The following SLC24A2 variants were observed in gnomAD, a reference collection of about 807,000 sequenced individuals.
SLC24A2 encodes solute carrier family 24 member 2, also known as sodium/potassium/calcium exchanger 2.
In SLC24A2, 36 loss-of-function variants were observed where a neutral mutation model predicts 62.0. The observed-to-expected ratio is 0.58, with a 90% CI of 0.44 to 0.77. The LOEUF is 0.77. Among genes scored for constraint, SLC24A2 ranks in the 30% least tolerant of loss-of-function variants. The probability of loss-of-function intolerance (pLI) is 0.00; values close to 1 mark genes in which losing one functional copy is unlikely to be tolerated. For synonymous variants in SLC24A2, 358 were observed against 294.0 expected (o/e 1.22, Z -2.23); for missense variants, 846 against 817.9 (o/e 1.03, Z -0.42).
the SLC24A2 span, among the ~76,000 whole-genome samples, chr9:19,981,497 T>C: frequency 6.6e-6 from 1 of 152,194 alleles, no homozygotes; most frequent in Admixed American, 6.6e-5. Context: ...GCATTTTTGG[T>C]AGTTTTTTTT....
At chr9:19,984,399 A>T in the SLC24A2 span, among the ~76,000 whole-genome samples, 1 of 152,162 alleles carries the variant, frequency 6.6e-6, no homozygotes, top group Non-Finnish European at 1.5e-5. Flanking sequence ...GTGAAATAGA[A>T]TTGGAAAGTC....
At chr9:20,249,972 A>G in the SLC24A2 span, among the ~76,000 whole-genome samples, 1 of 152,234 alleles carries the variant, frequency 6.6e-6, no homozygotes, top group Non-Finnish European at 1.5e-5. Context: ...CTCAGAATCT[A>G]AAACAGAAAA....
the SLC24A2 span, among the ~76,000 whole-genome samples, chr9:20,290,120 G>A: frequency 4.6e-5 from 7 of 152,214 alleles, no homozygotes; most frequent in East Asian, 1.9e-4. Context: ...TCCCCAGCTC[G>A]GCAGAGTGGC....
the SLC24A2 span, among the ~76,000 whole-genome samples, chr9:20,272,851 T>C: frequency 1.3e-5 from 2 of 152,070 alleles, no homozygotes; most frequent in Non-Finnish European, 2.9e-5. Flanking sequence ...CTGAAGCCAA[T>C]AGGAACAGCA....
the SLC24A2 span, among the ~76,000 whole-genome samples, chr9:20,003,329 G>A: frequency 6.6e-6 from 1 of 152,142 alleles, no homozygotes; most frequent in Non-Finnish European, 1.5e-5. Context: ...ATCCACTCTT[G>A]TTTTCTCTGT....
chr9:20,099,133 T>G, the SLC24A2 span, among the ~76,000 whole-genome samples: 4 of 152,234 alleles, frequency 2.6e-5, no homozygotes, highest in Admixed American at 6.5e-5. Context: ...CATCAAAGCA[T>G]GATAATAACA....
chr9:20,099,353 C>A, the SLC24A2 span, among the ~76,000 whole-genome samples: 1,602 of 152,280 alleles, frequency 0.011, 38 homozygotes, highest in African/African-American at 0.037. Flanking sequence ...AGGGCACTTA[C>A]CTTTATTTCC....
At chr9:19,915,099 C>A in the SLC24A2 span, among the ~76,000 whole-genome samples, 3 of 152,044 alleles carry the variant, frequency 2.0e-5, no homozygotes, top group African/African-American at 4.8e-5. Context: ...CCTCCCAATC[C>A]CATCCTCTAC....
chr9:20,240,086 C>T, the SLC24A2 span, among the ~76,000 whole-genome samples: 1 of 152,088 alleles, frequency 6.6e-6, no homozygotes, highest in African/African-American at 2.4e-5. Flanking sequence ...ACTGATGTGT[C>T]TCCCTCTCCC....
At chr9:20,086,486 G>C in the SLC24A2 span, among the ~76,000 whole-genome samples, 3 of 152,190 alleles carry the variant, frequency 2.0e-5, no homozygotes, top group Non-Finnish European at 4.4e-5. Flanking sequence ...TCTTGTTATA[G>C]TGGCCTTTGC....
chr9:20,201,626 T>C, the SLC24A2 span, among the ~76,000 whole-genome samples: 5 of 152,240 alleles, frequency 3.3e-5, no homozygotes, highest in African/African-American at 7.2e-5. Context: ...GATTTACTTA[T>C]TTAATGCCTG....
the SLC24A2 span, among the ~76,000 whole-genome samples, chr9:20,284,108 G>A: frequency 1.1e-3 from 167 of 152,192 alleles, 1 homozygote; most frequent in Non-Finnish European, 6.3e-4. Context: ...GATAATTGCC[G>A]AACTATCACT....
chr9:19,522,090 C>T (rs1243291811), intron 9 of SLC24A2, among the ~76,000 whole-genome samples: 1 of 152,164 alleles, frequency 6.6e-6, no homozygotes, highest in Non-Finnish European at 1.5e-5. Context: ...CTCACTGCAG[C>T]CTCAACCTCC....
At chr9:20,201,480 G>A in the SLC24A2 span, among the ~76,000 whole-genome samples, 1 of 152,180 alleles carries the variant, frequency 6.6e-6, no homozygotes, top group South Asian at 2.1e-4. Flanking sequence ...GACAGTAACA[G>A]CTCGACAATT....
the SLC24A2 span, among the ~76,000 whole-genome samples, chr9:19,956,611 AAG>A: frequency 6.6e-6 from 1 of 152,194 alleles, no homozygotes; most frequent in Non-Finnish European, 1.5e-5. Context: ...GGCAGCAGGC[AAG>A]AGAGAGAGCT....
chr9:19,741,045 G>T (rs763912509), intron 2 of SLC24A2, among the ~76,000 whole-genome samples: 1 of 152,136 alleles, frequency 6.6e-6, no homozygotes, highest in African/African-American at 2.4e-5. Flanking sequence ...TTAAGATGTT[G>T]CTATCCTCTG....
chr9:19,599,536 T>C lies in SLC24A2; in HGVS notation c.1079-2257A>G, dbSNP rs1490036432. 6.6e-6 allele frequency among the ~76,000 whole-genome samples: 1 copy of C among 152,094 alleles called. No homozygotes were observed. Among genetic ancestry groups the C allele is most frequent in the Non-Finnish European group, 1.5e-5 (1 of 67,992 alleles). ...AAGAAAAGTCAGAAAAGAATGGAGA[T>C]GGAAACCAGCCTGCTAGAATACGGT... On this transcript the variant is annotated intron_variant, in intron 4 of 10. Transcript: ENST00000341998. The surrounding 1 kb of genome is among the most constrained non-coding windows in gnomAD (Gnocchi z 4.5).
intron 5 of SLC24A2, among the ~76,000 whole-genome samples, chr9:19,590,487 C>CT (rs1445470291): frequency 2.0e-5 from 3 of 152,182 alleles, no homozygotes; most frequent in African/African-American, 7.2e-5. Flanking sequence ...CCTGCCCTTC[C>CT]TTATTACTTC....
the SLC24A2 span, among the ~76,000 whole-genome samples, chr9:20,095,474 T>C: frequency 6.6e-6 from 1 of 152,176 alleles, no homozygotes; most frequent in African/African-American, 2.4e-5. Flanking sequence ...ATGGGCCTCA[T>C]CCTATCAGTT....
Sources: allele counts gnomAD v4.1 joint callset (sites outside exome capture counted in the v4.1 genomes callset), GRCh38; gene constraint gnomAD v4.1.1; non-coding constraint Gnocchi (gnomAD v3.1); transcripts MANE v1.5; gene names NCBI Gene and HGNC (gene_info 2026-07-23, HGNC 2026-07-21).